The following DPP10 variants were observed in gnomAD, a reference collection of about 807,000 sequenced individuals.
DPP10 encodes inactive dipeptidyl peptidase 10.
A neutral mutation model predicts 120.9 loss-of-function variants in DPP10; 33 were observed. The ratio of observed to expected loss-of-function variants is 0.27; its 90% CI spans 0.21 to 0.37. The LOEUF is 0.37. Among genes scored for constraint, DPP10 ranks in the 10% least tolerant of loss-of-function variants. The probability of loss-of-function intolerance (pLI) is 1.00; values close to 1 mark genes in which losing one functional copy is unlikely to be tolerated. For synonymous variants in DPP10, 337 were observed against 326.1 expected, an observed-to-expected ratio of 1.03 and a Z score of -0.36; for missense variants, 816 against 942.8, an observed-to-expected ratio of 0.87 and a Z score of 1.76.
chr2:114,913,729 A>G (rs976408638), intron 1 of DPP10, among the ~76,000 whole-genome samples: 1 of 152,226 alleles, frequency 6.6e-6, no homozygotes, highest in African/African-American at 2.4e-5. Context: ...AATGGCTGAA[A>G]TTACAGACAT....
At chr2:115,497,957 A>G (rs1238565238) in intron 3 of DPP10, among the ~76,000 whole-genome samples, 1 of 152,158 alleles carries the variant, frequency 6.6e-6, no homozygotes, top group Non-Finnish European at 1.5e-5. Context: ...GATAAAAAAA[A>G]AAGAACCCAA....
intron 1 of DPP10, among the ~76,000 whole-genome samples, chr2:114,477,201 C>T (rs978662537): frequency 7.3e-5 from 11 of 151,580 alleles, no homozygotes; most frequent in African/African-American, 2.4e-4. Flanking sequence ...TCAAATGATC[C>T]AAGGCCAAGG....
chr2:114,622,865 G>C (rs1694205840), intron 1 of DPP10, among the ~76,000 whole-genome samples: 1 of 152,086 alleles, frequency 6.6e-6, no homozygotes, highest in Non-Finnish European at 1.5e-5. Context: ...TGCTTGCCTG[G>C]TCATGCATAA....
chr2:115,097,694 G>A (rs982941642), intron 1 of DPP10, among the ~76,000 whole-genome samples: 5 of 152,126 alleles, frequency 3.3e-5, no homozygotes, highest in African/African-American at 1.2e-4. Flanking sequence ...ACTCTTCCTA[G>A]GATAGAATAT....
intron 1 of DPP10, among the ~76,000 whole-genome samples, chr2:115,228,212 A>C (rs562731554): frequency 6.6e-6 from 1 of 152,024 alleles, no homozygotes; most frequent in Non-Finnish European, 1.5e-5. Flanking sequence ...CTACCAAAGT[A>C]CTGGGACTAC....
intron 3 of DPP10, among the ~76,000 whole-genome samples, chr2:115,380,951 G>A (rs1256463654): frequency 6.6e-6 from 1 of 152,032 alleles, no homozygotes; most frequent in Non-Finnish European, 1.5e-5. Flanking sequence ...TCCCTTTGAG[G>A]GTAACCTGAC....
intron 7 of DPP10, among the ~76,000 whole-genome samples, chr2:115,717,322 A>G (rs2092526581): frequency 6.6e-6 from 1 of 152,228 alleles, no homozygotes; most frequent in Non-Finnish European, 1.5e-5. Flanking sequence ...AACATGGCAC[A>G]TGTATACATG....
At chr2:115,619,338 G>C (rs2084773575) in intron 5 of DPP10, among the ~76,000 whole-genome samples, 1 of 151,754 alleles carries the variant, frequency 6.6e-6, no homozygotes, top group African/African-American at 2.4e-5. Flanking sequence ...GCATCCCAAA[G>C]TGCTGGGATT....
chr2:115,265,151 C>G lies in DPP10; in HGVS notation c.61-44088C>G, dbSNP rs191680481. Among the ~76,000 whole-genome samples, 419 of 152,182 alleles carry G rather than the reference C, an allele frequency of 2.8e-3. 2 individuals are homozygous for G. The highest frequency in any genetic ancestry group is 8.8e-3 in the African/African-American group (365 of 41,532). On this transcript the variant is annotated intron_variant, in intron 1 of 25. Transcript: ENST00000410059. Reference sequence around the variant, plus strand: ...TGAGGTCTCAATTCAGAGCCAACTTCAGACAGCACCATGAATAAAATTTGA... The same window carrying G: ...TGAGGTCTCAATTCAGAGCCAACTTGAGACAGCACCATGAATAAAATTTGA...
rs150586232 is a variant in DPP10, at chr2:115,682,563, A to T, written c.442-7124A>T. Reference sequence around the variant, plus strand: ...TTTATATAACAGGGAATATATCAGAAAATGATTTATTCTGCCTGCTCAAAG... The same window carrying T: ...TTTATATAACAGGGAATATATCAGATAATGATTTATTCTGCCTGCTCAAAG... On this transcript the variant is annotated intron_variant, in intron 5 of 25. Coordinates refer to ENST00000410059, the MANE Select transcript of DPP10 (RefSeq NM_020868.6). 4.5e-3 allele frequency among the ~76,000 whole-genome samples: 683 copies of T among 151,964 alleles called. 4 individuals are homozygous for T. Among genetic ancestry groups the T allele is most frequent in the African/African-American group, 0.016 (658 of 41,530 alleles).
chr2:115,813,194 GATGGTCTCGATCTCCTGACCTC>G (rs1183248173), intron 19 of DPP10, among the ~76,000 whole-genome samples: 1 of 151,832 alleles, frequency 6.6e-6, no homozygotes, highest in Non-Finnish European at 1.5e-5. Context: ...TGTTAGCCAG[GATGGTCTCGATCTCCTGACCTC>G]ATGATCCACC....
chr2:115,209,123 A>C (rs945069991), intron 1 of DPP10, among the ~76,000 whole-genome samples: 2 of 152,114 alleles, frequency 1.3e-5, no homozygotes, highest in Non-Finnish European at 2.9e-5. Context: ...CTTAATCTCA[A>C]AAAGATATCC....
intron 3 of DPP10, among the ~76,000 whole-genome samples, chr2:115,469,902 A>AG (rs2074587358): frequency 1.2e-5 from 1 of 82,978 alleles, no homozygotes; most frequent in Non-Finnish European, 2.6e-5. Context: ...AAAAAAAAGA[A>AG]AAAAAAAAAC....
At chr2:114,894,605 A>T (rs952206514) in intron 1 of DPP10, among the ~76,000 whole-genome samples, 5 of 152,182 alleles carry the variant, frequency 3.3e-5, no homozygotes, top group Non-Finnish European at 5.9e-5. Flanking sequence ...GCAGAAAAGG[A>T]GCTGTAATAG....
At chr2:115,410,195 G>GCACTA (rs1488110993) in intron 3 of DPP10, among the ~76,000 whole-genome samples, 2 of 152,160 alleles carry the variant, frequency 1.3e-5, no homozygotes, top group Non-Finnish European at 2.9e-5. Context: ...GTTCATTGCA[G>GCACTA]CACTACTCAC....
intron 1 of DPP10, among the ~76,000 whole-genome samples, chr2:114,752,477 C>T (rs1045797155): frequency 6.6e-6 from 1 of 152,202 alleles, no homozygotes; most frequent in Non-Finnish European, 1.5e-5. Context: ...TGCTTTACAT[C>T]ATCCTGAAAT....
chr2:115,236,688 ACT>A (rs2058025130), intron 1 of DPP10, among the ~76,000 whole-genome samples: 1 of 152,044 alleles, frequency 6.6e-6, no homozygotes, highest in South Asian at 2.1e-4. Flanking sequence ...CTATCCTATG[ACT>A]CTCTTACACT....
At chr2:115,777,941 A>C in intron 15 of DPP10, 107 bp downstream of exon 15, 1 of 1,101,876 alleles carries the variant, frequency 9.1e-7, no homozygotes, top group Non-Finnish European at 1.3e-6. Context: ...CAACATGGCT[A>C]GGAAGAGCCA....
At chr2:115,031,756 T>C (rs1703856706) in intron 1 of DPP10, among the ~76,000 whole-genome samples, 2 of 152,188 alleles carry the variant, frequency 1.3e-5, no homozygotes, top group South Asian at 4.1e-4. Flanking sequence ...ATTTCTAATC[T>C]TGCAATCTGA....
Sources: allele counts gnomAD v4.1 joint callset (sites outside exome capture counted in the v4.1 genomes callset), GRCh38; gene constraint gnomAD v4.1.1; transcripts MANE v1.5; gene names NCBI Gene and HGNC (gene_info 2026-07-23, HGNC 2026-07-21).